The following MCC variants were observed in gnomAD, a reference collection of about 807,000 sequenced individuals.
The protein encoded by MCC is MCC regulator of Wnt signaling pathway, also known as colorectal mutant cancer protein.
In MCC, 90 loss-of-function variants were observed where a neutral mutation model predicts 116.2. The ratio of observed to expected loss-of-function variants is 0.77; its 90% CI spans 0.65 to 0.92. The LOEUF is 0.92. Among genes scored for constraint, MCC ranks in the 40% least tolerant of loss-of-function variants. MCC has a pLI of 0.00. For missense variants in MCC, 1,516 were observed against 1,312.2 expected, an observed-to-expected ratio of 1.16 and a Z score of -2.40; for synonymous variants, 578 against 510.5, an observed-to-expected ratio of 1.13 and a Z score of -1.78.
chr5:113,416,178 C>T (rs1034867836), intron 1 of MCC, among the ~76,000 whole-genome samples: 12 of 152,150 alleles, frequency 7.9e-5, no homozygotes, highest in African/African-American at 2.2e-4. Context: ...TGTTCCTATT[C>T]GGCCATCTTG....
chr5:113,051,555 C>CA (rs557925366), intron 15 of MCC, among the ~76,000 whole-genome samples: 127 of 151,948 alleles, frequency 8.4e-4, no homozygotes, highest in Middle Eastern at 3.4e-3. Flanking sequence ...CCTGTTTCTA[C>CA]AAAAAAATAA....
intron 3 of MCC, among the ~76,000 whole-genome samples, chr5:113,260,535 CT>C (rs1765184315): frequency 6.6e-6 from 1 of 152,094 alleles, no homozygotes; most frequent in South Asian, 2.1e-4. Context: ...TGTGGGTATT[CT>C]TTCGTACTTT....
chr5:113,446,788 C>A lies in MCC; in HGVS notation c.170+41457G>T, dbSNP rs191553850. On this transcript the variant is annotated intron_variant, in intron 1 of 18. Transcript: ENST00000408903. ...GACATAAAGATGGCAACAATAGACACTGGGGACTACTGGCAGGGAGGGAGA... is the reference window on the plus strand; with the variant it reads ...GACATAAAGATGGCAACAATAGACAATGGGGACTACTGGCAGGGAGGGAGA... Among the ~76,000 whole-genome samples the A allele has an allele frequency of 2.0e-3, 306 of 152,258 alleles. 1 individual carries two copies. The highest frequency in any genetic ancestry group is 7.0e-3 in the African/African-American group (292 of 41,548).
intron 1 of MCC, among the ~76,000 whole-genome samples, chr5:113,453,148 G>A (rs773358655): frequency 1.1e-4 from 17 of 152,108 alleles, no homozygotes; most frequent in Non-Finnish European, 1.0e-4. Flanking sequence ...CAGCGTGAAC[G>A]CATGTTCGGT....
chr5:113,474,979 G>T (rs576561940), intron 1 of MCC, among the ~76,000 whole-genome samples: 1 of 152,150 alleles, frequency 6.6e-6, no homozygotes, highest in Non-Finnish European at 1.5e-5. Flanking sequence ...TCAGAAAGAA[G>T]TTCTGAAATT....
intron 3 of MCC, among the ~76,000 whole-genome samples, chr5:113,262,712 C>T (rs1043325531): frequency 6.6e-6 from 1 of 152,092 alleles, no homozygotes; most frequent in Non-Finnish European, 1.5e-5. Flanking sequence ...AAGTGATTCT[C>T]AAACTTTGTT....
chr5:113,355,481 A>G (rs1200834790), intron 2 of MCC, among the ~76,000 whole-genome samples: 2 of 152,144 alleles, frequency 1.3e-5, no homozygotes, highest in Admixed American at 1.3e-4. Context: ...CAATGAAGAG[A>G]TAACCACTAT....
At chr5:113,183,406 T>C (rs79406628) in intron 3 of MCC, among the ~76,000 whole-genome samples, 6,067 of 152,288 alleles carry the variant, frequency 0.04, 180 homozygotes, top group African/African-American at 0.075. Flanking sequence ...AGAGAAAATT[T>C]GTCAGACTCC....
At position 113,457,914 on chromosome 5, in the gene MCC, C is replaced by T. The variant is rs1322100744; in HGVS notation, c.170+30331G>A. Among the ~76,000 whole-genome samples, 4 of 150,984 alleles carry T rather than the reference C, an allele frequency of 2.6e-5. No individual in the cohort carries two copies. The East Asian group carries it at 7.8e-4, about 29-fold the overall frequency. Reference sequence around the variant, plus strand: ...GGGTTTGTGAATGCACCAATCGACACTCTGTATCTAGCTACTCTGGTGGGG... The same window carrying T: ...GGGTTTGTGAATGCACCAATCGACATTCTGTATCTAGCTACTCTGGTGGGG... On this transcript the variant is annotated intron_variant, in intron 1 of 18. Coordinates refer to ENST00000408903, the MANE Select transcript of MCC (RefSeq NM_001085377.2).
At chr5:113,130,687 C>T (rs4705545) in intron 5 of MCC, among the ~76,000 whole-genome samples, 77,170 of 151,614 alleles carry the variant, frequency 0.51, 21,325 homozygotes, top group East Asian at 0.71. Context: ...CCTTGGAGAG[C>T]GAGTTGTTGA....
At chr5:113,230,307 T>C (rs1763896044) in intron 3 of MCC, among the ~76,000 whole-genome samples, 2 of 152,220 alleles carry the variant, frequency 1.3e-5, no homozygotes, top group South Asian at 2.1e-4. Context: ...GTCCTTGAAA[T>C]ATGACTTTTA....
chr5:113,074,502 G>A (rs142844048), intron 11 of MCC, among the ~76,000 whole-genome samples: 97 of 152,288 alleles, frequency 6.4e-4, no homozygotes, highest in African/African-American at 2.1e-3. Context: ...ACAGCTCCTC[G>A]CCAGCAATGG....
intron 3 of MCC, among the ~76,000 whole-genome samples, chr5:113,285,161 T>C (rs1249276126): frequency 6.6e-6 from 1 of 152,146 alleles, no homozygotes; most frequent in Non-Finnish European, 1.5e-5. Flanking sequence ...CAGAAAATGA[T>C]ACAGTTTGAA....
intron 1 of MCC, among the ~76,000 whole-genome samples, chr5:113,396,918 G>A (rs1769542956): frequency 6.6e-6 from 1 of 152,178 alleles, no homozygotes; most frequent in South Asian, 2.1e-4. Context: ...AAAAGAAGAA[G>A]GCAACCTGGC....
At chr5:113,047,558 C>A (rs549953414) in intron 16 of MCC, among the ~76,000 whole-genome samples, 14 of 152,278 alleles carry the variant, frequency 9.2e-5, no homozygotes, top group Admixed American at 2.0e-4. Flanking sequence ...TTCCTTCTTT[C>A]CCAGGTATAT....
At chr5:113,070,962 A>C in intron 12 of MCC, 132 bp downstream of exon 12, 4 of 930,068 alleles carry the variant, frequency 4.3e-6, no homozygotes, top group African/African-American at 1.7e-5. Context: ...TTGCTGTCCA[A>C]ACCGCCAGAT....
At chr5:113,359,040 C>G (rs1210211888) in intron 2 of MCC, among the ~76,000 whole-genome samples, 1 of 152,118 alleles carries the variant, frequency 6.6e-6, no homozygotes. Flanking sequence ...AAATAAAGAG[C>G]AATTCAAAGG....
rs369628397 is a variant in MCC at position 113,237,401 on chromosome 5, G to A, written c.628-85979C>T. 3.4e-4 allele frequency among the ~76,000 whole-genome samples: 52 copies of A among 152,248 alleles called. No homozygotes were observed. In the South Asian group the frequency reaches 4.4e-3, roughly 13 times the overall value. ...TTCATTGATATGCGGAAATAAATGT[G>A]TTCCATGAAAAGCAAATACCAACTG... On this transcript the variant is annotated intron_variant, in intron 3 of 18. Transcript: ENST00000408903.
In MCC at chr5:113,048,177, G is replaced by C. The variant is rs1318255445; in HGVS notation, c.2655+916C>G. On this transcript the variant is annotated intron_variant, in intron 16 of 18. Transcript: ENST00000408903. ...CCTCAGACCTGTGAGACTTAAGGGC[G>C]ATAATAAATGCAGTCATTGGTACAG... 3.3e-5 allele frequency among the ~76,000 whole-genome samples: 5 copies of C among 152,334 alleles called. 1 individual carries two copies. In the South Asian group the frequency reaches 1.0e-3, roughly 32 times the overall value.
Sources: gnomAD v4.1 joint callset for allele counts (sites outside exome capture counted in the v4.1 genomes callset) on GRCh38, gnomAD v4.1.1 for gene constraint, MANE v1.5 for transcripts, NCBI Gene and HGNC (gene_info 2026-07-23, HGNC 2026-07-21) for gene names.